EIF2B3: variants seen among roughly 807,000 people sequenced by gnomAD.
EIF2B3 encodes translation initiation factor eIF2B subunit gamma.
A neutral mutation model predicts 54.1 loss-of-function variants in EIF2B3; 20 were observed. That is an observed-to-expected ratio of 0.37 (90% CI 0.26 to 0.54). The LOEUF (loss-of-function observed/expected upper bound fraction) is 0.54. Among genes scored for constraint, EIF2B3 ranks in the 20% least tolerant of loss-of-function variants. The pLI, the probability that EIF2B3 is intolerant of heterozygous loss-of-function variation, is 0.86. For missense variants in EIF2B3, 448 were observed against 547.8 expected (o/e 0.82, Z 1.82); for synonymous variants, 153 against 188.1 (o/e 0.81, Z 1.52).
intron 5 of EIF2B3, among the ~76,000 whole-genome samples, chr1:44,907,297 T>A (rs1643430140): frequency 6.6e-6 from 1 of 152,338 alleles, no homozygotes; most frequent in South Asian, 2.1e-4. Flanking sequence ...CGGTGGCTCA[T>A]GCCTGTACTC....
intron 2 of EIF2B3, 109 bp downstream of exon 2, chr1:44,980,912 A>G: frequency 7.3e-7 from 1 of 1,376,274 alleles, no homozygotes; most frequent in Non-Finnish European, 1.0e-6. Flanking sequence ...GGCAGTCTTC[A>G]GCCAACGAGT....
intron 3 of EIF2B3, among the ~76,000 whole-genome samples, chr1:44,953,375 T>G (rs1371431074): frequency 6.6e-6 from 1 of 152,178 alleles, no homozygotes; most frequent in Admixed American, 6.5e-5. Context: ...TGTCTCACTG[T>G]CTTCATTTTC....
intron 10 of EIF2B3, among the ~76,000 whole-genome samples, chr1:44,868,107 C>T (rs1654839692): frequency 6.6e-6 from 1 of 151,956 alleles, no homozygotes. Flanking sequence ...ACATAGAAAG[C>T]TGTAGTGTTG....
chr1:44,860,843 A>C (rs1654592084), intron 10 of EIF2B3, among the ~76,000 whole-genome samples: 1 of 152,166 alleles, frequency 6.6e-6, no homozygotes, highest in African/African-American at 2.4e-5. Flanking sequence ...AACAAAACTA[A>C]GGAAAAATTC....
intron 3 of EIF2B3, among the ~76,000 whole-genome samples, chr1:44,956,653 A>T (rs904392659): frequency 6.6e-5 from 10 of 152,194 alleles, no homozygotes; most frequent in African/African-American, 9.7e-5. Flanking sequence ...ATGTGTGTAT[A>T]TAAATTGACT....
intron 3 of EIF2B3, among the ~76,000 whole-genome samples, chr1:44,971,395 AG>A (rs1644398447): frequency 6.6e-6 from 1 of 151,234 alleles, no homozygotes; most frequent in Non-Finnish European, 1.5e-5. Flanking sequence ...AAAAAATCAA[AG>A]TCATACAAAA....
intron 1 of EIF2B3, among the ~76,000 whole-genome samples, chr1:44,983,620 C>T (rs1454567309): frequency 6.6e-6 from 1 of 151,644 alleles, no homozygotes; most frequent in Non-Finnish European, 1.5e-5. Flanking sequence ...GCCTGTAATC[C>T]CAGCACTTTG....
intron 3 of EIF2B3, among the ~76,000 whole-genome samples, chr1:44,963,985 A>G (rs925508355): frequency 2.0e-5 from 3 of 152,218 alleles, no homozygotes; most frequent in Admixed American, 1.3e-4. Context: ...ACAGGGCTAC[A>G]GAAGTCCTAT....
At chr1:44,864,578 A>C (rs1654711903) in intron 10 of EIF2B3, among the ~76,000 whole-genome samples, 1 of 152,124 alleles carries the variant, frequency 6.6e-6, no homozygotes, top group Non-Finnish European at 1.5e-5. Context: ...GAATTCTTTT[A>C]ACAATTATGT....
At chr1:44,942,397 ATATATATATATATATATATATTTTT>A (rs1644036989) in intron 3 of EIF2B3, among the ~76,000 whole-genome samples, 3 of 13,916 alleles carry the variant, frequency 2.2e-4, no homozygotes, top group South Asian at 4.9e-3. Context: ...ATATATATAT[ATATATATATATATATATATATTTTT>A]TTTTTTTTTT....
intron 4 of EIF2B3, among the ~76,000 whole-genome samples, chr1:44,931,296 A>G (rs570686073): frequency 6.6e-6 from 1 of 152,326 alleles, no homozygotes; most frequent in Admixed American, 6.5e-5. Context: ...TAACCAAGTA[A>G]GCTTGGAACC....
At chr1:44,927,866 CAAAG>C (rs1306503034) in intron 4 of EIF2B3, among the ~76,000 whole-genome samples, 2 of 151,916 alleles carry the variant, frequency 1.3e-5, no homozygotes, top group Admixed American at 6.6e-5. Flanking sequence ...ATATATATTA[CAAAG>C]AAAGAGAGAG....
At chr1:44,932,760 CAAAAA>C (rs1165689010) in intron 4 of EIF2B3, among the ~76,000 whole-genome samples, 1 of 148,262 alleles carries the variant, frequency 6.7e-6, no homozygotes, top group Non-Finnish European at 1.5e-5. Context: ...CAAAACAAAA[CAAAAA>C]ACCTTCAAAA....
intron 7 of EIF2B3, among the ~76,000 whole-genome samples, chr1:44,880,948 G>C (rs569910978): frequency 6.6e-6 from 1 of 151,628 alleles, no homozygotes; most frequent in East Asian, 1.9e-4. Flanking sequence ...GCGACAGAGG[G>C]AGACTCCGTC....
At chr1:44,880,972 A>T (rs905407801) in intron 7 of EIF2B3, among the ~76,000 whole-genome samples, 1 of 152,084 alleles carries the variant, frequency 6.6e-6, no homozygotes, top group Admixed American at 6.6e-5. Flanking sequence ...AAAAAATAAA[A>T]AAAAAAAAAG....
At chr1:44,875,158 C>T (rs1340484094) in intron 9 of EIF2B3, among the ~76,000 whole-genome samples, 1 of 152,082 alleles carries the variant, frequency 6.6e-6, no homozygotes, top group Admixed American at 6.6e-5. Context: ...TGCCACTGCA[C>T]TCCAGCCTGG....
intron 4 of EIF2B3, chr1:44,937,427 G>C (rs1009293846): frequency 6.6e-6 from 1 of 152,210 alleles, no homozygotes; most frequent in Non-Finnish European, 1.5e-5. Flanking sequence ...GAGTAAATAA[G>C]AGAGCAGGCT....
intron 3 of EIF2B3, among the ~76,000 whole-genome samples, chr1:44,945,369 A>G (rs1042064767): frequency 4.6e-5 from 7 of 152,004 alleles, no homozygotes; most frequent in African/African-American, 1.4e-4. Flanking sequence ...CCTGGCTACC[A>G]TGGTGAAACC....
intron 3 of EIF2B3, among the ~76,000 whole-genome samples, chr1:44,956,416 A>ATG (rs1644225550): frequency 6.6e-6 from 1 of 152,074 alleles, no homozygotes; most frequent in African/African-American, 2.4e-5. Context: ...CCTAATGTAG[A>ATG]TGTGGGCTGA....
Sources: allele counts gnomAD v4.1 joint callset (sites outside exome capture counted in the v4.1 genomes callset), GRCh38; gene constraint gnomAD v4.1.1; transcripts MANE v1.5; gene names NCBI Gene and HGNC (gene_info 2026-07-23, HGNC 2026-07-21).